RANBP17: variants seen among roughly 807,000 people sequenced by gnomAD.
RANBP17 encodes ran-binding protein 17.
RANBP17 carries 158 observed loss-of-function variants against 141.2 expected under a neutral mutation model. That is an observed-to-expected ratio of 1.12 (90% CI 0.98 to 1.28). The LOEUF (loss-of-function observed/expected upper bound fraction) is 1.28, where lower values mean the gene tolerates loss of function less well. RANBP17 is among the 50% of genes most tolerant of loss of function. The pLI, the probability that RANBP17 is intolerant of heterozygous loss-of-function variation, is 0.00. For missense variants in RANBP17, 1,438 were observed against 1,290.7 expected (o/e 1.11, Z -1.75); for synonymous variants, 430 against 450.0 (o/e 0.96, Z 0.56).
At chr5:171,279,691 G>C (rs972393615) in intron 25 of RANBP17, among the ~76,000 whole-genome samples, 10 of 152,002 alleles carry the variant, frequency 6.6e-5, no homozygotes, top group Non-Finnish European at 5.9e-5. Flanking sequence ...CCCTAACAGG[G>C]AGATAAGGCC....
At chr5:171,007,829 C>A (rs1581381958) in intron 14 of RANBP17, among the ~76,000 whole-genome samples, 2 of 152,150 alleles carry the variant, frequency 1.3e-5, no homozygotes, top group South Asian at 4.2e-4. Flanking sequence ...GTTTTAAGTT[C>A]TTGAGAACAC....
chr5:170,929,589 T>C (rs1200737337), intron 12 of RANBP17, among the ~76,000 whole-genome samples: 1 of 152,176 alleles, frequency 6.6e-6, no homozygotes, highest in Non-Finnish European at 1.5e-5. Flanking sequence ...TAATATAATG[T>C]TTCTTTAGAA....
intron 1 of RANBP17, among the ~76,000 whole-genome samples, chr5:170,871,622 T>A (rs951718341): frequency 2.6e-5 from 4 of 152,236 alleles, no homozygotes; most frequent in Admixed American, 1.3e-4. Flanking sequence ...TGATATTGTC[T>A]AGATTTTCTT....
chr5:171,201,001 T>C lies in RANBP17; in HGVS notation c.2142+1228T>C, dbSNP rs543277292. ...TATTTTCAGTGACCAACAAAATCTT[T>C]GCAGCTTTTAGGTTGCTATTTCTGC... On this transcript the variant is annotated intron_variant, in intron 19 of 27. Coordinates refer to ENST00000523189, the MANE Select transcript of RANBP17 (RefSeq NM_022897.5). 2.5e-4 allele frequency among the ~76,000 whole-genome samples: 38 copies of C among 152,374 alleles called. No individual in the cohort carries two copies. In the South Asian group the frequency reaches 6.4e-3, roughly 26 times the overall value.
chr5:171,214,660 A>T (rs998754181), intron 21 of RANBP17, among the ~76,000 whole-genome samples: 1 of 152,194 alleles, frequency 6.6e-6, no homozygotes, highest in African/African-American at 2.4e-5. Context: ...AAATGTGTGT[A>T]TCATTTTTTT....
chr5:171,073,972 T>C (rs1259404611), intron 14 of RANBP17, among the ~76,000 whole-genome samples: 1 of 152,136 alleles, frequency 6.6e-6, no homozygotes, highest in African/African-American at 2.4e-5. Flanking sequence ...CAGACAAATC[T>C]TCCTTAAGGA....
chr5:171,252,817 C>T (rs2128005813), intron 24 of RANBP17: 5 of 1,223,628 alleles, frequency 4.1e-6, no homozygotes, highest in South Asian at 1.2e-5. Flanking sequence ...TGGTCCCAGT[C>T]GAGGCCATTG....
intron 14 of RANBP17, among the ~76,000 whole-genome samples, chr5:171,155,405 G>A (rs1458674588): frequency 3.3e-5 from 5 of 151,908 alleles, no homozygotes; most frequent in Admixed American, 1.3e-4. Flanking sequence ...ATCAACTACA[G>A]TGTGGGAAAA....
At chr5:171,218,457 G>T (rs908699995) in intron 21 of RANBP17, among the ~76,000 whole-genome samples, 2 of 152,126 alleles carry the variant, frequency 1.3e-5, no homozygotes, top group African/African-American at 4.8e-5. Context: ...CTAATTTTCT[G>T]TCTCATCAAT....
At chr5:170,986,323 T>G (rs985843142) in intron 14 of RANBP17, among the ~76,000 whole-genome samples, 3 of 152,018 alleles carry the variant, frequency 2.0e-5, no homozygotes, top group Non-Finnish European at 4.4e-5. Flanking sequence ...TAGTGATATA[T>G]AAGCATGTTT....
intron 12 of RANBP17, among the ~76,000 whole-genome samples, chr5:170,937,399 G>T (rs893326020): frequency 6.6e-6 from 1 of 152,092 alleles, no homozygotes; most frequent in African/African-American, 2.4e-5. Flanking sequence ...CTCACATTGG[G>T]CCTGTCCTAG....
chr5:171,117,714 G>A (rs138179326), intron 14 of RANBP17, among the ~76,000 whole-genome samples: 34 of 152,046 alleles, frequency 2.2e-4, no homozygotes, highest in African/African-American at 7.0e-4. Context: ...TGCTAGTCTC[G>A]AACTCCTGAC....
chr5:170,911,407 G>T (rs1208846341), intron 7 of RANBP17: 2 of 585,800 alleles, frequency 3.4e-6, no homozygotes, highest in East Asian at 5.8e-5. Flanking sequence ...CAAGAGCTAT[G>T]ATTTGAAACT....
At chr5:170,925,447 C>G (rs754844740) in intron 12 of RANBP17, among the ~76,000 whole-genome samples, 3 of 151,976 alleles carry the variant, frequency 2.0e-5, no homozygotes, top group Non-Finnish European at 4.4e-5. Context: ...AACACTTTTG[C>G]AGCATTTAGT....
intron 24 of RANBP17, 180 bp downstream of exon 24, chr5:171,243,000 T>G (rs1764985525): frequency 1.6e-6 from 1 of 619,164 alleles, no homozygotes; most frequent in Non-Finnish European, 2.8e-6. Flanking sequence ...TGATACATAG[T>G]CAGTTATGTT....
At chr5:171,258,443 A>G (rs560115914) in intron 24 of RANBP17, among the ~76,000 whole-genome samples, 1 of 152,192 alleles carries the variant, frequency 6.6e-6, no homozygotes, top group Non-Finnish European at 1.5e-5. Flanking sequence ...GACCAACCAG[A>G]ACTCAGCTGT....
chr5:171,278,808 G>T (rs746636417), intron 25 of RANBP17, among the ~76,000 whole-genome samples: 7 of 152,118 alleles, frequency 4.6e-5, no homozygotes, highest in Non-Finnish European at 8.8e-5. Flanking sequence ...TTTTATCAGA[G>T]ACCACTCTTG....
chr5:171,149,619 T>A (rs1453374133), intron 14 of RANBP17, among the ~76,000 whole-genome samples: 1 of 152,248 alleles, frequency 6.6e-6, no homozygotes. Flanking sequence ...GTACTTTCTT[T>A]GTTTATTGTA....
rs561315422 is a variant in RANBP17 at position 170,897,340 on chromosome 5, A to G, written c.489+1225A>G. 188 of 547,054 alleles carry G rather than the reference A, an allele frequency of 3.4e-4. 1 individual carries two copies. In the Middle Eastern group the frequency reaches 4.5e-3, roughly 13 times the overall value. The allele number at this position is 547,054 out of a possible 1,614,324, so 33.9% of individuals were successfully genotyped here. A position where few individuals can be genotyped will look rare whatever the true frequency, so the allele number is the denominator to read the frequency against. On this transcript the variant is annotated intron_variant, in intron 5 of 27. Coordinates refer to ENST00000523189, the MANE Select transcript of RANBP17 (RefSeq NM_022897.5). ...GAGAATCAGGATCTGGGCTTGGCACATTTCTTCTTCTTCTTCTTCTTTTTT... is the reference window on the plus strand; with the variant it reads ...GAGAATCAGGATCTGGGCTTGGCACGTTTCTTCTTCTTCTTCTTCTTTTTT...
Sources: allele counts gnomAD v4.1 joint callset (sites outside exome capture counted in the v4.1 genomes callset), GRCh38; gene constraint gnomAD v4.1.1; transcripts MANE v1.5; gene names NCBI Gene and HGNC (gene_info 2026-07-23, HGNC 2026-07-21).